ABTB3: variants seen among roughly 807,000 people sequenced by gnomAD.
ABTB3 encodes the protein ankyrin repeat- and BTB/POZ domain-containing protein 3.
chr12:107,586,006 A>C, the ABTB3 span, among the ~76,000 whole-genome samples: 1 of 152,208 alleles, frequency 6.6e-6, no homozygotes, highest in African/African-American at 2.4e-5. Context: ...GCAGATGGTA[A>C]ACAATAGCAG....
chr12:107,601,029 A>G, the ABTB3 span, among the ~76,000 whole-genome samples: 2 of 152,364 alleles, frequency 1.3e-5, no homozygotes, highest in South Asian at 4.1e-4. Flanking sequence ...CAATTATAAA[A>G]TCATAGCAAT....
At chr12:107,384,815 G>A in the ABTB3 span, among the ~76,000 whole-genome samples, 27 of 152,092 alleles carry the variant, frequency 1.8e-4, no homozygotes, top group Non-Finnish European at 3.5e-4. Context: ...TGAACCTGCC[G>A]GCAAGGCTTG....
chr12:107,500,477 T>TGTAACCCA, the ABTB3 span, among the ~76,000 whole-genome samples: 1 of 152,200 alleles, frequency 6.6e-6, no homozygotes, highest in Admixed American at 6.5e-5. Flanking sequence ...TGGTCATGAT[T>TGTAACCCA]AGTGCAGCGC....
the ABTB3 span, among the ~76,000 whole-genome samples, chr12:107,339,689 G>A: frequency 2.8e-4 from 43 of 152,132 alleles, no homozygotes; most frequent in Admixed American, 2.8e-3. Flanking sequence ...ACGTGTGTGT[G>A]TGTGTGTGTG....
chr12:107,439,706 G>C, the ABTB3 span, among the ~76,000 whole-genome samples: 1 of 152,184 alleles, frequency 6.6e-6, no homozygotes, highest in Non-Finnish European at 1.5e-5. Context: ...CATATGAAAA[G>C]CTGTATGTAT....
the ABTB3 span, among the ~76,000 whole-genome samples, chr12:107,580,488 G>A: frequency 3.3e-5 from 5 of 152,230 alleles, no homozygotes; most frequent in African/African-American, 1.2e-4. Flanking sequence ...TCAGGGGTGT[G>A]ACCAAGGTCC....
chr12:107,322,040 G>C, the ABTB3 span, among the ~76,000 whole-genome samples: 218 of 152,234 alleles, frequency 1.4e-3, 3 homozygotes, highest in African/African-American at 5.0e-3. Context: ...GTAAAATAGG[G>C]GGCTAGATAT....
the ABTB3 span, among the ~76,000 whole-genome samples, chr12:107,395,305 ATC>A: frequency 0.063 from 9,550 of 152,158 alleles, 361 homozygotes; most frequent in Middle Eastern, 0.13. Flanking sequence ...TGGCACCAAA[ATC>A]TCTGTCCATG....
the ABTB3 span, chr12:107,580,766 G>A: frequency 6.9e-7 from 1 of 1,443,268 alleles, no homozygotes; most frequent in African/African-American, 1.4e-5. Context: ...ACGGGGCGCT[G>A]ATTGGTTTTC....
the ABTB3 span, among the ~76,000 whole-genome samples, chr12:107,564,531 T>A: frequency 1.3e-5 from 2 of 152,230 alleles, no homozygotes; most frequent in African/African-American, 4.8e-5. Flanking sequence ...ATTGGCCATG[T>A]GACTTGCTGA....
the ABTB3 span, among the ~76,000 whole-genome samples, chr12:107,390,683 G>A: frequency 3.9e-5 from 6 of 152,202 alleles, no homozygotes; most frequent in African/African-American, 1.4e-4. Context: ...GGTGGAGGGA[G>A]AGGACACAGA....
At chr12:107,524,191 T>A in the ABTB3 span, among the ~76,000 whole-genome samples, 1 of 152,206 alleles carries the variant, frequency 6.6e-6, no homozygotes, top group Non-Finnish European at 1.5e-5. Flanking sequence ...GTGTTGCTAA[T>A]TGCGAATGGG....
chr12:107,563,675 G>A, the ABTB3 span, among the ~76,000 whole-genome samples: 1 of 152,110 alleles, frequency 6.6e-6, no homozygotes, highest in African/African-American at 2.4e-5. Context: ...GAGGGCTCTT[G>A]GAGAACTCTT....
chr12:107,574,682 G>A, the ABTB3 span, among the ~76,000 whole-genome samples: 4 of 152,140 alleles, frequency 2.6e-5, no homozygotes, highest in Admixed American at 6.5e-5. Flanking sequence ...AGATCACTGC[G>A]CAACAGAGCG....
chr12:107,501,045 C>T, the ABTB3 span, among the ~76,000 whole-genome samples: 308 of 152,290 alleles, frequency 2.0e-3, no homozygotes, highest in African/African-American at 6.8e-3. Flanking sequence ...AACCTAACCT[C>T]TCTGTGCCTC....
chr12:107,482,965 T>C, the ABTB3 span, among the ~76,000 whole-genome samples: 70 of 79,932 alleles, frequency 8.8e-4, 1 homozygote, highest in African/African-American at 2.1e-3. Flanking sequence ...TCTTTCTTTC[T>C]TTCTTTCTTT....
At chr12:107,366,911 A>C in the ABTB3 span, among the ~76,000 whole-genome samples, 1 of 152,138 alleles carries the variant, frequency 6.6e-6, no homozygotes, top group Non-Finnish European at 1.5e-5. Flanking sequence ...CCACTGAGAG[A>C]CCTGCATCAC....
the ABTB3 span, among the ~76,000 whole-genome samples, chr12:107,566,782 A>G: frequency 6.6e-6 from 1 of 152,112 alleles, no homozygotes; most frequent in Non-Finnish European, 1.5e-5. Context: ...GGAGATCAGA[A>G]TCACCTCAGA....
At chr12:107,510,184 C>T in the ABTB3 span, among the ~76,000 whole-genome samples, 1 of 152,290 alleles carries the variant, frequency 6.6e-6, no homozygotes, top group African/African-American at 2.4e-5. Context: ...GCTTCCTTCC[C>T]CTTTGTTAAA....
Sources: gnomAD v4.1 joint callset for allele counts (sites outside exome capture counted in the v4.1 genomes callset) on GRCh38, gnomAD v4.1.1 for gene constraint, MANE v1.5 for transcripts, NCBI Gene and HGNC (gene_info 2026-07-23, HGNC 2026-07-21) for gene names.